Variants in SUB1 observed in about 807,000 individuals in gnomAD.
SUB1 encodes the protein SUB1 regulator of transcription.
SUB1 carries 1 observed loss-of-function variant against 16.9 expected under a neutral mutation model. That is an observed-to-expected ratio of 0.06 (90% CI 0.02 to 0.28). SUB1 has a LOEUF of 0.28. Among genes scored for constraint, SUB1 ranks in the 10% least tolerant of loss-of-function variants. The pLI is 1.00. For synonymous variants in SUB1, 51 were observed against 46.9 expected (o/e 1.09, Z -0.36); for missense variants, 84 against 145.2 (o/e 0.58, Z 2.16).
chr5:32,589,308 A>C (rs558229160), intron 2 of SUB1, among the ~76,000 whole-genome samples: 1 of 152,266 alleles, frequency 6.6e-6, no homozygotes, highest in South Asian at 2.1e-4. Flanking sequence ...GCTGGTCTCA[A>C]ACTCCTGGCC....
At chr5:32,599,729 CTA>C (rs1739070020) in intron 4 of SUB1, among the ~76,000 whole-genome samples, 2 of 151,582 alleles carry the variant, frequency 1.3e-5, no homozygotes, top group Admixed American at 1.3e-4. Flanking sequence ...AACTCAGCCT[CTA>C]TATGTGTTTA....
At position 32,601,204 on chromosome 5, in the gene SUB1, T is replaced by G. The variant is rs1053493755; in HGVS notation, c.*120T>G. On this transcript the variant is annotated 3_prime_UTR_variant, in exon 5 of 5. Coordinates refer to ENST00000265073, the MANE Select transcript of SUB1 (RefSeq NM_006713.4). ...TGTATGTTTGGATTGCAGAAGAATT[T>G]GTAAGATGAATACTTTTTTTTAATG... 12 of 762,590 alleles carry G rather than the reference T, an allele frequency of 1.6e-5. No homozygotes were observed. Among genetic ancestry groups the G allele is most frequent in the Non-Finnish European group, 2.1e-5 (10 of 469,420 alleles). 47.2% of individuals were successfully genotyped at this position (762,590 alleles called of 1,614,324 possible). A position where few individuals can be genotyped will look rare whatever the true frequency, so the allele number is the denominator to read the frequency against.
chr5:32,587,111 C>T (rs1029064411), intron 1 of SUB1, among the ~76,000 whole-genome samples: 1 of 152,006 alleles, frequency 6.6e-6, no homozygotes, highest in Admixed American at 6.5e-5. Flanking sequence ...GCCTAGTGTT[C>T]CATTATTGGA....
intron 1 of SUB1, 94 bp downstream of exon 1, chr5:32,585,719 G>C (rs1358593009): frequency 2.0e-5 from 3 of 152,382 alleles, no homozygotes; most frequent in Non-Finnish European, 4.4e-5. Context: ...CCTCTCGCCG[G>C]CAATGGCCGC....
chr5:32,586,036 T>G (rs1469061354), intron 1 of SUB1: 1 of 152,312 alleles, frequency 6.6e-6, no homozygotes, highest in African/African-American at 2.4e-5. Context: ...CTCTGGAGAC[T>G]GGGAGAGCGG....
chr5:32,599,731 A>G (rs1055849222), intron 4 of SUB1, among the ~76,000 whole-genome samples: 2 of 150,478 alleles, frequency 1.3e-5, no homozygotes, highest in African/African-American at 4.9e-5. Flanking sequence ...CTCAGCCTCT[A>G]TATGTGTTTA....
chr5:32,587,735 C>T lies in SUB1; in HGVS notation c.-1-777C>T, dbSNP rs191352721. ...AAGCGATTCTCCTGCCTCAGTCTCC[C>T]GAATTGCTGGGACTACAGGTGTGCC... On this transcript the variant is annotated intron_variant, in intron 1 of 4. Transcript: ENST00000265073. Among the ~76,000 whole-genome samples, 497 of 152,074 alleles carry T rather than the reference C, an allele frequency of 3.3e-3. 1 individual carries two copies. The highest frequency in any genetic ancestry group is 4.8e-3 in the South Asian group (23 of 4,820).
At position 32,603,086 on chromosome 5, in the gene SUB1, G is replaced by A. The variant is rs1002401604; in HGVS notation, c.*2002G>A. On this transcript the variant is annotated 3_prime_UTR_variant, in exon 5 of 5. Coordinates refer to ENST00000265073, the MANE Select transcript of SUB1 (RefSeq NM_006713.4). ...TGGTGCTGAAATCTATTACCTACAT[G>A]TTTTCTAGTTGTTCAGCATTATGTT... 6.6e-6 allele frequency: 1 copy of A among 151,998 alleles called. No homozygotes were observed. Among genetic ancestry groups the A allele is most frequent in the Non-Finnish European group, 1.5e-5 (1 of 67,962 alleles). 9.4% of individuals were successfully genotyped at this position (151,998 alleles called of 1,614,324 possible).
intron 3 of SUB1, chr5:32,594,467 T>G: frequency 3.0e-6 from 1 of 334,382 alleles, no homozygotes; most frequent in Non-Finnish European, 6.2e-6. Flanking sequence ...TACTTGATAC[T>G]TTTAAATTAT....
chr5:32,587,951 C>T lies in SUB1; in HGVS notation c.-1-561C>T, dbSNP rs6884784. On this transcript the variant is annotated intron_variant, in intron 1 of 4. Transcript: ENST00000265073. ...TGTGTACTCTTGAATTAGTACCTGT[C>T]GTTATTTTGGTGATACGGCCAAAAA... Among the ~76,000 whole-genome samples the T allele has an allele frequency of 4.0e-3, 606 of 152,024 alleles. 3 individuals carry two copies. The highest frequency in any genetic ancestry group is 6.4e-3 in the Non-Finnish European group (432 of 67,994).
Position 32,602,147 on chromosome 5 carries a change from GT to G in SUB1, c.*1067del. ...GGCATTCTAGACTTGATGATACTAA[GT>G]TTTAGCAGACACTAGTAAGTGGTTT... On this transcript the variant is annotated 3_prime_UTR_variant, in exon 5 of 5. Transcript: ENST00000265073. The G allele has an allele frequency of 6.7e-6, 3 of 444,606 alleles. No individual in the cohort carries two copies. The highest frequency in any genetic ancestry group is 1.3e-5 in the Non-Finnish European group (3 of 222,908). 27.5% of individuals were successfully genotyped at this position (444,606 alleles called of 1,614,324 possible). A position where few individuals can be genotyped will look rare whatever the true frequency, so the allele number is the denominator to read the frequency against.
chr5:32,586,863 C>T (rs747239366), intron 1 of SUB1, among the ~76,000 whole-genome samples: 1 of 152,146 alleles, frequency 6.6e-6, no homozygotes, highest in African/African-American at 2.4e-5. Context: ...CAGTTAAAAT[C>T]AGATTGAGCT....
chr5:32,590,979 G>C (rs975081117), intron 2 of SUB1, among the ~76,000 whole-genome samples: 14 of 151,676 alleles, frequency 9.2e-5, no homozygotes, highest in African/African-American at 3.4e-4. Context: ...CATGTGGCCA[G>C]GCTGGTCTCG....
At chr5:32,592,728 T>C (rs954053846) in intron 3 of SUB1, among the ~76,000 whole-genome samples, 2 of 152,078 alleles carry the variant, frequency 1.3e-5, no homozygotes, top group Admixed American at 1.3e-4. Flanking sequence ...AAAAATGGTG[T>C]TGCTTCTGTA....
chr5:32,590,762 A>ATTTTTTTTGTTTTTTTT, intron 2 of SUB1, among the ~76,000 whole-genome samples: 1 of 33,958 alleles, frequency 2.9e-5, no homozygotes, highest in Non-Finnish European at 5.4e-5. Flanking sequence ...CGCCTGGCTA[A>ATTTTTTTTGTTTTTTTT]TTTTTTTTTT....
intron 3 of SUB1, 136 bp downstream of exon 3, chr5:32,591,821 T>C (rs1738835055): frequency 1.9e-6 from 2 of 1,052,726 alleles, no homozygotes; most frequent in Non-Finnish European, 1.3e-6. Context: ...TGCCTCAGCC[T>C]CCCGAGTAGC....
At chr5:32,596,760 T>G (rs1253256109) in intron 3 of SUB1, 1 of 152,196 alleles carries the variant, frequency 6.6e-6, no homozygotes, top group Non-Finnish European at 1.5e-5. Context: ...ACTGACCTCT[T>G]ATGTCTGTCT....
In SUB1 at chr5:32,594,945, T is replaced by C. The variant is rs142647630; in HGVS notation, c.195+3260T>C. On this transcript the variant is annotated intron_variant, in intron 3 of 4. Transcript: ENST00000265073. ...AATTCGTATAAGAATCACAGTTCTT[T>C]ATGATGTATATGCTATTTTTTGCTG... 604 of 156,534 alleles carry C rather than the reference T, an allele frequency of 3.9e-3. 4 individuals are homozygous for C. The highest frequency in any genetic ancestry group is 5.1e-3 in the Non-Finnish European group (358 of 70,214). 9.7% of individuals were successfully genotyped at this position (156,534 alleles called of 1,614,324 possible).
chr5:32,594,851 A>T (rs1053630974), intron 3 of SUB1: 8 of 180,788 alleles, frequency 4.4e-5, no homozygotes, highest in African/African-American at 1.9e-4. Context: ...CTTCCGTGAG[A>T]CTGGTCCCTG....
Sources: allele counts gnomAD v4.1 joint callset (sites outside exome capture counted in the v4.1 genomes callset), GRCh38; gene constraint gnomAD v4.1.1; transcripts MANE v1.5; gene names NCBI Gene and HGNC (gene_info 2026-07-23, HGNC 2026-07-21).